The following BCL7C variants were observed in gnomAD, a reference collection of about 807,000 sequenced individuals.
BCL7C encodes the protein BAF chromatin remodeling complex subunit BCL7C, also known as B-cell CLL/lymphoma 7 protein family member C.
In BCL7C, 8 loss-of-function variants were observed where a neutral mutation model predicts 26.2. The observed-to-expected ratio is 0.30, with a 90% CI of 0.18 to 0.55. The LOEUF (loss-of-function observed/expected upper bound fraction) is 0.55. BCL7C is among the 20% of genes least tolerant of loss of function. BCL7C has a pLI of 0.93. For missense variants in BCL7C, 262 were observed against 298.5 expected (o/e 0.88, Z 0.90); for synonymous variants, 90 against 116.5 (o/e 0.77, Z 1.47).
intron 5 of BCL7C, among the ~76,000 whole-genome samples, chr16:30,855,142 A>G (rs1347321708): frequency 6.6e-6 from 1 of 152,150 alleles, no homozygotes; most frequent in African/African-American, 2.4e-5. Context: ...TGAGATCATC[A>G]TGGTGCTGAG....
At chr16:30,890,222 C>T (rs753400901) in intron 4 of BCL7C, among the ~76,000 whole-genome samples, 5 of 151,510 alleles carry the variant, frequency 3.3e-5, no homozygotes, top group South Asian at 2.1e-4. Flanking sequence ...GATGAAACCC[C>T]GTCTCTACTA....
chr16:30,846,844 C>T (rs1259517907), intron 5 of BCL7C, among the ~76,000 whole-genome samples: 2 of 152,222 alleles, frequency 1.3e-5, no homozygotes, highest in African/African-American at 4.8e-5. Context: ...CAACCCATGG[C>T]CTGCAGTAGC....
intron 5 of BCL7C, among the ~76,000 whole-genome samples, chr16:30,842,790 G>T (rs1314575224): frequency 6.6e-6 from 1 of 151,988 alleles, no homozygotes; most frequent in Non-Finnish European, 1.5e-5. Flanking sequence ...GGATGGTCTC[G>T]ATCTCCTGAC....
intron 5 of BCL7C, among the ~76,000 whole-genome samples, chr16:30,845,113 C>T (rs922119051): frequency 5.9e-5 from 9 of 152,154 alleles, no homozygotes; most frequent in Non-Finnish European, 7.3e-5. Flanking sequence ...TACCACATGC[C>T]GCCTTTGCTG....
chr16:30,880,852 T>C (rs555073294), intron 5 of BCL7C, among the ~76,000 whole-genome samples: 10 of 151,964 alleles, frequency 6.6e-5, no homozygotes, highest in Admixed American at 2.6e-4. Context: ...GTGTGCACCA[T>C]CATGCCCGGC....
chr16:30,871,815 T>G (rs1056356690), intron 5 of BCL7C, among the ~76,000 whole-genome samples: 1 of 152,072 alleles, frequency 6.6e-6, no homozygotes, highest in African/African-American at 2.4e-5. Context: ...CCAGAATTAC[T>G]CAGATAATTG....
intron 5 of BCL7C, among the ~76,000 whole-genome samples, chr16:30,842,790 G>A (rs1314575224): frequency 1.3e-5 from 2 of 151,988 alleles, no homozygotes; most frequent in South Asian, 2.1e-4. Flanking sequence ...GGATGGTCTC[G>A]ATCTCCTGAC....
chr16:30,872,463 A>T (rs1370959019), intron 5 of BCL7C, among the ~76,000 whole-genome samples: 4 of 152,204 alleles, frequency 2.6e-5, no homozygotes, highest in Admixed American at 2.6e-4. Flanking sequence ...CCTCACCACC[A>T]GCACGCACGT....
intron 5 of BCL7C, among the ~76,000 whole-genome samples, chr16:30,862,756 ATGGTTAGGTAC>A (rs1272578949): frequency 1.3e-5 from 2 of 152,072 alleles, no homozygotes; most frequent in African/African-American, 4.8e-5. Context: ...CTTCCTAGAC[ATGGTTAGGTAC>A]TTTCACCTTT....
intron 4 of BCL7C, among the ~76,000 whole-genome samples, 196 bp from the exon 5 acceptor site, chr16:30,889,141 C>T (rs180795071): frequency 6.6e-6 from 1 of 152,130 alleles, no homozygotes; most frequent in Non-Finnish European, 1.5e-5. Context: ...GAGGGTGATG[C>T]GGTGGACAGG....
intron 4 of BCL7C, among the ~76,000 whole-genome samples, chr16:30,892,147 G>A (rs1266596498): frequency 6.6e-6 from 1 of 150,864 alleles, no homozygotes; most frequent in Non-Finnish European, 1.5e-5. Context: ...TATGCCTGTG[G>A]TCCCAGCTAC....
At chr16:30,859,845 GT>G (rs1470171385) in intron 5 of BCL7C, among the ~76,000 whole-genome samples, 4 of 152,202 alleles carry the variant, frequency 2.6e-5, no homozygotes, top group Admixed American at 6.5e-5. Context: ...CACAAAGCCT[GT>G]TTGGTGGTCT....
At chr16:30,838,783 T>TCAAA (rs977696972) in intron 5 of BCL7C, among the ~76,000 whole-genome samples, 14 of 152,134 alleles carry the variant, frequency 9.2e-5, no homozygotes, top group South Asian at 2.1e-4. Flanking sequence ...AGACTCCGTC[T>TCAAA]CAAACAAACA....
intron 5 of BCL7C, among the ~76,000 whole-genome samples, chr16:30,869,424 C>T (rs1202988738): frequency 6.6e-6 from 1 of 150,774 alleles, no homozygotes; most frequent in African/African-American, 2.4e-5. Flanking sequence ...TTGCTGGCCT[C>T]GAACTCCTAA....
chr16:30,893,921 G>C lies in BCL7C; in HGVS notation c.24C>G (p.Ala8=), dbSNP rs758927922. The C allele has an allele frequency of 1.3e-6, 2 of 1,595,556 alleles. No individual in the cohort carries two copies. Among genetic ancestry groups the C allele is most frequent in the Non-Finnish European group, 1.7e-6 (2 of 1,176,624 alleles). The change falls in exon 1 of 6, where the codon GCC becomes GCG. Residue 8 remains alanine, a synonymous_variant. Transcript: ENST00000215115. This position sits in a 1 kb window ranked among gnomAD's most constrained non-coding sequence, Gnocchi z 5.2. MAGRTVR[A]ETRSRAKDDI... is the part of the protein sequence containing the mutation. ...CATCCTTGGCCCGGCTCCGGGTCTC[G>C]GCCCGTACAGTCCGGCCGGCCATGC...
At chr16:30,860,184 G>A (rs1418962177) in intron 5 of BCL7C, among the ~76,000 whole-genome samples, 5 of 152,182 alleles carry the variant, frequency 3.3e-5, no homozygotes, top group African/African-American at 1.2e-4. Flanking sequence ...TCCAGTGCCG[G>A]TCACGGACTC....
At chr16:30,850,056 A>T (rs1476970502) in intron 5 of BCL7C, among the ~76,000 whole-genome samples, 1 of 151,890 alleles carries the variant, frequency 6.6e-6, no homozygotes. Flanking sequence ...AAAAATACAA[A>T]AAAATCAGCT....
chr16:30,871,284 T>C (rs2054879981), intron 5 of BCL7C, among the ~76,000 whole-genome samples: 1 of 152,188 alleles, frequency 6.6e-6, no homozygotes, highest in Non-Finnish European at 1.5e-5. Context: ...ACTCTGTGTT[T>C]GAGGGTACAC....
At chr16:30,859,253 A>T (rs1327840292) in intron 5 of BCL7C, among the ~76,000 whole-genome samples, 1 of 152,200 alleles carries the variant, frequency 6.6e-6, no homozygotes, top group African/African-American at 2.4e-5. Flanking sequence ...TTCAGCTTAG[A>T]CGGTGGAGGA....
Sources: allele counts gnomAD v4.1 joint callset (sites outside exome capture counted in the v4.1 genomes callset), GRCh38; gene constraint gnomAD v4.1.1; non-coding constraint Gnocchi (gnomAD v3.1); transcripts MANE v1.5; gene names NCBI Gene and HGNC (gene_info 2026-07-23, HGNC 2026-07-21).